The following GRXCR2 variants were observed in gnomAD, a reference collection of about 807,000 sequenced individuals.
GRXCR2 encodes glutaredoxin domain-containing cysteine-rich protein 2.
GRXCR2 carries 23 observed loss-of-function variants against 24.8 expected under a neutral mutation model. That is an observed-to-expected ratio of 0.93 (90% CI 0.67 to 1.32). The LOEUF (loss-of-function observed/expected upper bound fraction) is 1.32, where lower values mean the gene tolerates loss of function less well. Ranked by LOEUF, GRXCR2 falls within the 40% of genes most tolerant of loss-of-function variation. GRXCR2 has a pLI of 0.00. For missense variants in GRXCR2, 315 were observed against 303.4 expected, an observed-to-expected ratio of 1.04 and a Z score of -0.28; for synonymous variants, 130 against 116.1, an observed-to-expected ratio of 1.12 and a Z score of -0.77.
At chr5:145,861,043 A>T (rs1400540990) in intron 2 of GRXCR2, among the ~76,000 whole-genome samples, 1 of 151,608 alleles carries the variant, frequency 6.6e-6, no homozygotes, top group African/African-American at 2.4e-5. Context: ...ATAAGGGGAG[A>T]TACTAGATCG....
At chr5:145,919,354 A>C (rs1037861540) in intron 2 of GRXCR2, among the ~76,000 whole-genome samples, 6 of 152,220 alleles carry the variant, frequency 3.9e-5, no homozygotes, top group African/African-American at 1.4e-4. Context: ...GAGACCTTGC[A>C]TGCATATCTA....
chr5:145,913,320 C>G (rs547488562), intron 2 of GRXCR2, among the ~76,000 whole-genome samples: 2 of 152,004 alleles, frequency 1.3e-5, no homozygotes, highest in Non-Finnish European at 2.9e-5. Context: ...TAAGGAAAGG[C>G]CTGCATCATC....
chr5:145,891,534 T>G (rs1436518512), intron 2 of GRXCR2, among the ~76,000 whole-genome samples: 2 of 152,186 alleles, frequency 1.3e-5, no homozygotes, highest in African/African-American at 4.8e-5. Context: ...CCTTGCTCAC[T>G]GCTAGCACAG....
At chr5:145,908,794 C>G (rs1035250317) in intron 2 of GRXCR2, among the ~76,000 whole-genome samples, 1 of 152,240 alleles carries the variant, frequency 6.6e-6, no homozygotes, top group East Asian at 1.9e-4. Context: ...AATGCAGATT[C>G]CAAGATTACT....
At chr5:145,899,636 A>C (rs1282874793) in intron 2 of GRXCR2, among the ~76,000 whole-genome samples, 1 of 152,114 alleles carries the variant, frequency 6.6e-6, no homozygotes, top group Non-Finnish European at 1.5e-5. Context: ...ATCTTCAACA[A>C]AGTTGACAAA....
intron 2 of GRXCR2, among the ~76,000 whole-genome samples, chr5:145,927,656 T>C (rs1757419386): frequency 1.3e-5 from 2 of 152,188 alleles, no homozygotes; most frequent in South Asian, 4.1e-4. Context: ...GATTTTTGCA[T>C]TGATGTTCAT....
Position 145,860,012 on chromosome 5 carries a change from C to G in GRXCR2, c.565-97G>C. On this transcript the variant is annotated intron_variant, in intron 2 of 2. Transcript: ENST00000377976. ...CACTAGACTACAGCAAAGGCTGGGG[C>G]AGAATAGAGGAAAATGCTTCCCACG... 3 of 986,300 alleles carry G rather than the reference C, an allele frequency of 3.0e-6. No homozygotes were observed. The South Asian group carries it at 5.6e-5, about 18-fold the overall frequency. 61.1% of individuals were successfully genotyped at this position (986,300 alleles called of 1,614,324 possible).
chr5:145,865,066 C>G lies in GRXCR2; in HGVS notation c.564+1435G>C, dbSNP rs570287780. On this transcript the variant is annotated intron_variant, in intron 2 of 2. Coordinates refer to ENST00000377976, the MANE Select transcript of GRXCR2 (RefSeq NM_001080516.2). ...ATGAGATAAGAAGGAGCCTTTGGTG[C>G]CTCTTGTCTAAGGCCATTACTCAAA... Among the ~76,000 whole-genome samples, 87 of 152,236 alleles carry G rather than the reference C, an allele frequency of 5.7e-4. 1 individual carries two copies. The highest frequency in any genetic ancestry group is 2.0e-3 in the African/African-American group (85 of 41,524).
intron 2 of GRXCR2, among the ~76,000 whole-genome samples, chr5:145,879,622 T>A (rs1359113090): frequency 6.6e-6 from 1 of 152,172 alleles, no homozygotes; most frequent in Admixed American, 6.5e-5. Context: ...AACACCCCAC[T>A]GTCAATATTA....
At chr5:145,900,119 C>T (rs935178079) in intron 2 of GRXCR2, among the ~76,000 whole-genome samples, 2 of 152,024 alleles carry the variant, frequency 1.3e-5, no homozygotes, top group Non-Finnish European at 2.9e-5. Flanking sequence ...GGGTTTGTGT[C>T]CCTGCCCTAA....
chr5:145,899,227 A>T (rs1451315396), intron 2 of GRXCR2, among the ~76,000 whole-genome samples: 1 of 152,152 alleles, frequency 6.6e-6, no homozygotes, highest in African/African-American at 2.4e-5. Flanking sequence ...CTACAAAAAG[A>T]ACTAAAAACA....
At chr5:145,913,320 C>T (rs547488562) in intron 2 of GRXCR2, among the ~76,000 whole-genome samples, 2 of 152,004 alleles carry the variant, frequency 1.3e-5, no homozygotes, top group South Asian at 4.2e-4. Context: ...TAAGGAAAGG[C>T]CTGCATCATC....
Position 145,894,542 on chromosome 5 carries a change from A to G in GRXCR2, c.-69-27814T>C, listed in dbSNP as rs184650812. 3.7e-4 allele frequency among the ~76,000 whole-genome samples: 57 copies of G among 152,380 alleles called. 1 individual carries two copies. The East Asian group carries it at 0.011, about 29-fold the overall frequency. On this transcript the variant is annotated intron_variant, in intron 2 of 3. Transcript: ENST00000639411. ...AAACTAGAAAATCTAGAAGAAATGC[A>G]TAAATTCCTGGACACATACACCCTC...
At chr5:145,903,640 G>A (rs977218398) in intron 2 of GRXCR2, among the ~76,000 whole-genome samples, 9 of 152,078 alleles carry the variant, frequency 5.9e-5, no homozygotes, top group African/African-American at 1.9e-4. Context: ...TAAAATCATG[G>A]GTTTGAGTAA....
At chr5:145,913,765 C>T (rs1389929916) in intron 2 of GRXCR2, among the ~76,000 whole-genome samples, 1 of 152,074 alleles carries the variant, frequency 6.6e-6, no homozygotes, top group Non-Finnish European at 1.5e-5. Flanking sequence ...TCAAGTGATC[C>T]GTCTGCTTCA....
intron 2 of GRXCR2, among the ~76,000 whole-genome samples, chr5:145,887,562 C>T (rs1756795567): frequency 6.6e-6 from 1 of 152,184 alleles, no homozygotes; most frequent in African/African-American, 2.4e-5. Flanking sequence ...AAGAGCAATC[C>T]TACACAACAA....
chr5:145,893,137 A>G (rs1028113967), intron 2 of GRXCR2, among the ~76,000 whole-genome samples: 5 of 152,218 alleles, frequency 3.3e-5, no homozygotes, highest in African/African-American at 1.2e-4. Flanking sequence ...AGGAAGCACT[A>G]AATATGGAAA....
At chr5:145,870,945 T>G (rs1215724474) in intron 1 of GRXCR2, among the ~76,000 whole-genome samples, 1 of 152,028 alleles carries the variant, frequency 6.6e-6, no homozygotes, top group Non-Finnish European at 1.5e-5. Context: ...ATTTATAAAT[T>G]CTATAGTCCT....
chr5:145,922,328 C>T (rs900859226), intron 2 of GRXCR2, among the ~76,000 whole-genome samples: 1 of 152,186 alleles, frequency 6.6e-6, no homozygotes, highest in Non-Finnish European at 1.5e-5. Context: ...ATCTCTTCTG[C>T]TCCTGCTCAT....
Sources: gnomAD v4.1 joint callset for allele counts (sites outside exome capture counted in the v4.1 genomes callset) on GRCh38, gnomAD v4.1.1 for gene constraint, MANE v1.5 for transcripts, NCBI Gene and HGNC (gene_info 2026-07-23, HGNC 2026-07-21) for gene names.